TBC1D8: variants seen among roughly 807,000 people sequenced by gnomAD.
TBC1D8 encodes the protein BUB2-like protein 1.
TBC1D8 carries 65 observed loss-of-function variants against 118.8 expected under a neutral mutation model. That is an observed-to-expected ratio of 0.55 (90% CI 0.45 to 0.67). The LOEUF (loss-of-function observed/expected upper bound fraction) is 0.67. Among genes scored for constraint, TBC1D8 ranks in the 30% least tolerant of loss-of-function variants. The pLI, the probability that TBC1D8 is intolerant of heterozygous loss-of-function variation, is 0.00. For missense variants in TBC1D8, 1,376 were observed against 1,471.2 expected (o/e 0.94, Z 1.06); for synonymous variants, 566 against 595.8 (o/e 0.95, Z 0.73).
intron 1 of TBC1D8, among the ~76,000 whole-genome samples, chr2:101,148,139 C>CA (rs796378893): frequency 6.6e-5 from 10 of 152,140 alleles, no homozygotes; most frequent in African/African-American, 2.4e-4. Context: ...GAGGGAGCTA[C>CA]AAAAAAAGAC....
intron 1 of TBC1D8, among the ~76,000 whole-genome samples, chr2:101,114,024 T>C (rs1208011007): frequency 6.6e-6 from 1 of 152,192 alleles, no homozygotes; most frequent in Admixed American, 6.5e-5. Context: ...CTCTAGTTGA[T>C]TAATCTTCCC....
chr2:101,064,735 G>A (rs575209020), intron 2 of TBC1D8, among the ~76,000 whole-genome samples: 1 of 152,256 alleles, frequency 6.6e-6, no homozygotes, highest in Admixed American at 6.5e-5. Flanking sequence ...TGACTTAGGA[G>A]TAACCAAATC....
At chr2:101,068,472 A>G in intron 2 of TBC1D8, 3 of 378,282 alleles carry the variant, frequency 7.9e-6, no homozygotes, top group Non-Finnish European at 1.4e-5. Flanking sequence ...TCAATGTTCC[A>G]GGAAGTTCTT....
chr2:101,022,143 CA>C (rs1680066899), intron 16 of TBC1D8, 137 bp downstream of exon 16: 5 of 1,425,890 alleles, frequency 3.5e-6, no homozygotes, highest in Non-Finnish European at 3.8e-6. Flanking sequence ...AGTGATATTT[CA>C]AAATCATAAG....
chr2:101,037,771 GAGGGGACAGTC>G lies in TBC1D8; in HGVS notation c.1276-74_1276-64del. The G allele has an allele frequency of 3.1e-6, 5 of 1,594,970 alleles. No homozygotes were observed. The South Asian group carries it at 4.4e-5, about 14-fold the overall frequency. On this transcript the variant is annotated intron_variant, in intron 7 of 19. Transcript: ENST00000409318. The stretch of plus-strand genomic sequence containing the variant: ...AGAGGAGAAAATCATGGCTTTAGTC[GAGGGGACAGTC>G]TTTGTTTTGCCTTTGGATGCACGGG...
chr2:101,081,112 T>C (rs1675235142), intron 2 of TBC1D8, among the ~76,000 whole-genome samples: 1 of 152,222 alleles, frequency 6.6e-6, no homozygotes, highest in Admixed American at 6.5e-5. Flanking sequence ...ACATTTTGAT[T>C]TATGAAAATA....
intron 5 of TBC1D8, among the ~76,000 whole-genome samples, chr2:101,043,925 A>G (rs912170323): frequency 3.3e-5 from 5 of 151,994 alleles, no homozygotes; most frequent in Non-Finnish European, 7.4e-5. Flanking sequence ...GGGCAACAAG[A>G]GCAAAAGTCT....
chr2:101,045,059 A>G (rs991846665), intron 5 of TBC1D8, among the ~76,000 whole-genome samples: 2 of 152,128 alleles, frequency 1.3e-5, no homozygotes, highest in African/African-American at 2.4e-5. Flanking sequence ...AACACATGCC[A>G]TTGATGAGAC....
intron 1 of TBC1D8, among the ~76,000 whole-genome samples, chr2:101,141,475 T>C (rs1344301880): frequency 6.6e-6 from 1 of 152,128 alleles, no homozygotes; most frequent in African/African-American, 2.4e-5. Context: ...GGCTCCAATC[T>C]AGACTGAACG....
intron 15 of TBC1D8, among the ~76,000 whole-genome samples, chr2:101,023,175 C>T (rs1378886759): frequency 1.4e-5 from 2 of 144,614 alleles, no homozygotes; most frequent in East Asian, 2.3e-4. Context: ...GACGGAGTCT[C>T]GCTCGGTCAC....
chr2:101,034,118 C>G (rs1009250271), intron 9 of TBC1D8, among the ~76,000 whole-genome samples: 4 of 152,156 alleles, frequency 2.6e-5, no homozygotes, highest in Admixed American at 2.0e-4. Flanking sequence ...GAGCTGAGAT[C>G]ACACCACTGC....
intron 1 of TBC1D8, among the ~76,000 whole-genome samples, chr2:101,128,624 C>G (rs1678453928): frequency 2.0e-5 from 3 of 152,208 alleles, no homozygotes; most frequent in Admixed American, 2.0e-4. Context: ...GGATCTCAAA[C>G]AAATATTTGT....
rs377275122 is a variant in TBC1D8 at position 101,046,244 on chromosome 2, C to T, written c.872+4157G>A. On this transcript the variant is annotated intron_variant, in intron 5 of 19. Transcript: ENST00000409318. Reference sequence around the variant, plus strand: ...CACTGCAGCCCACGGCCACTAGGCTCACCTGGCTGTCAGGCGCCAGCACAG... The same window carrying T: ...CACTGCAGCCCACGGCCACTAGGCTTACCTGGCTGTCAGGCGCCAGCACAG... Among the ~76,000 whole-genome samples the T allele has an allele frequency of 3.3e-5, 5 of 152,374 alleles. No individual in the cohort carries two copies. The East Asian group carries it at 9.7e-4, about 29-fold the overall frequency.
At position 101,008,231 on chromosome 2, in the gene TBC1D8, G is replaced by A; in HGVS notation, c.3058C>T (p.His1020Tyr). Residue 1020 changes from histidine (H) to tyrosine (Y), a missense_variant, in exon 20 of 20, where the codon CAT (histidine) becomes TAT (tyrosine). By Grantham distance (83) the His-to-Tyr change is moderately conservative (BLOSUM62 2). Transcript: ENST00000409318. ...AAATCATTTTCTTCTGGATCTTCAT[G>A]GAACATACTGTACAGAGTTTTACAG... ...QFCKTLYSMF[H>Y]EDPEENDLYQ... 6.3e-7 allele frequency: 1 copy of A among 1,595,618 alleles called. No individual in the cohort carries two copies. The highest frequency in any genetic ancestry group is 8.5e-7 in the Non-Finnish European group (1 of 1,170,190).
In TBC1D8 at chr2:101,011,024, C is replaced by T; in HGVS notation, c.2920G>A (p.Asp974Asn). 6.2e-7 allele frequency: 1 copy of T among 1,610,974 alleles called. No homozygotes were observed. Among genetic ancestry groups the T allele is most frequent in the Non-Finnish European group, 8.5e-7 (1 of 1,179,332 alleles). The change falls in exon 19 of 20, where the codon GAT becomes AAT. Residue 974 changes from aspartate to asparagine, a missense_variant and splice_region_variant. Coordinates refer to ENST00000409318, the MANE Select transcript of TBC1D8 (RefSeq NM_001330348.2). ...RPLVFGKPNG[D>N]AVDYQKQLKQ... ...AGCTGTTTCTGATAATCAACTGCAT[C>T]ACCTTGAAACAAAGGAAAACAATAT...
intron 1 of TBC1D8, among the ~76,000 whole-genome samples, chr2:101,118,901 C>T (rs1295556496): frequency 6.6e-6 from 1 of 152,000 alleles, no homozygotes; most frequent in Non-Finnish European, 1.5e-5. Flanking sequence ...GTCCCAGCTA[C>T]TTGGGAGGCT....
rs1432246679 is a variant in TBC1D8 at position 101,151,361 on chromosome 2, C to T, written c.-108G>A. 28 of 1,030,870 alleles carry T rather than the reference C, an allele frequency of 2.7e-5. No homozygotes were observed. The highest frequency in any genetic ancestry group is 3.2e-5 in the Non-Finnish European group (27 of 838,620). 63.9% of individuals were successfully genotyped at this position (1,030,870 alleles called of 1,614,324 possible). A position where few individuals can be genotyped will look rare whatever the true frequency, so the allele number is the denominator to read the frequency against. On this transcript the variant is annotated 5_prime_UTR_variant, in exon 1 of 20. Transcript: ENST00000409318. ...CGACGGCGGCGCGCGGGGACCACAG[C>T]CCGGCCGGTGCCCAGCGCTCTGAGA...
intron 1 of TBC1D8, among the ~76,000 whole-genome samples, chr2:101,103,143 A>G (rs1676964612): frequency 6.6e-6 from 1 of 152,066 alleles, no homozygotes; most frequent in Admixed American, 6.5e-5. Flanking sequence ...CAATGCATAA[A>G]ATGAATGATA....
chr2:101,027,295 A>G lies in TBC1D8; in HGVS notation c.2520+88T>C, dbSNP rs988821093. On this transcript the variant is annotated intron_variant, in intron 15 of 19. Transcript: ENST00000409318. ...CTCTGCTCCACGGAGCCCTGCAGGC[A>G]GCTGCATGCTGTCCCCTGGGCAGGC... is the stretch of plus-strand genomic sequence containing the variant. The G allele has an allele frequency of 9.7e-6, 12 of 1,232,262 alleles. No individual in the cohort carries two copies. In the Admixed American group the frequency reaches 1.2e-4, roughly 13 times the overall value. The allele number at this position is 1,232,262 out of a possible 1,614,324, so 76.3% of individuals were successfully genotyped here.
Sources: gnomAD v4.1 joint callset for allele counts (sites outside exome capture counted in the v4.1 genomes callset) on GRCh38, gnomAD v4.1.1 for gene constraint, MANE v1.5 for transcripts, NCBI Gene and HGNC (gene_info 2026-07-23, HGNC 2026-07-21) for gene names.